Variants in SNAP23 observed in about 807,000 individuals in gnomAD.
SNAP23 encodes the protein synaptosomal-associated protein 23.
SNAP23 carries 11 observed loss-of-function variants against 29.0 expected under a neutral mutation model. The ratio of observed to expected loss-of-function variants is 0.38; its 90% confidence interval spans 0.24 to 0.63. The LOEUF (loss-of-function observed/expected upper bound fraction) is 0.63. SNAP23 is among the 20% of genes least tolerant of loss of function. The probability of loss-of-function intolerance (pLI) is 0.58; values close to 1 mark genes in which losing one functional copy is unlikely to be tolerated. For synonymous variants in SNAP23, 60 were observed against 82.9 expected (o/e 0.72, Z 1.50); for missense variants, 220 against 253.9 (o/e 0.87, Z 0.91).
At chr15:42,519,011 T>C (rs969456698) in intron 5 of SNAP23, among the ~76,000 whole-genome samples, 6 of 151,800 alleles carry the variant, frequency 4.0e-5, no homozygotes, top group Non-Finnish European at 2.9e-5. Context: ...TACAGGTGCA[T>C]GTCACCATGC....
chr15:42,531,172 CG>C (rs1339646142), intron 7 of SNAP23, among the ~76,000 whole-genome samples: 5 of 152,098 alleles, frequency 3.3e-5, no homozygotes, highest in Non-Finnish European at 5.9e-5. Context: ...TGAAAAAATG[CG>C]TTATAGAATT....
rs540031484 is a variant in SNAP23, at chr15:42,518,566, C to T, written c.266+3212C>T. Among the ~76,000 whole-genome samples, 4 of 151,540 alleles carry T rather than the reference C, an allele frequency of 2.6e-5. No homozygotes were observed. The East Asian group carries it at 5.9e-4, about 22-fold the overall frequency. On this transcript the variant is annotated intron_variant, in intron 5 of 7. Coordinates refer to ENST00000249647, the MANE Select transcript of SNAP23 (RefSeq NM_003825.4). The stretch of plus-strand genomic sequence containing the variant: ...TCCTGAGTAGCTGGGATTACAGGCA[C>T]ATGCCACCACACCCAGCTAATTTTG...
chr15:42,502,966 G>T (rs570989240), intron 1 of SNAP23, among the ~76,000 whole-genome samples: 1 of 152,132 alleles, frequency 6.6e-6, no homozygotes, highest in South Asian at 2.1e-4. Context: ...AATTTTTTTT[G>T]TAATTAGAGT....
chr15:42,492,374 A>G (rs1205075719), upstream of SNAP23, among the ~76,000 whole-genome samples: 2 of 152,036 alleles, frequency 1.3e-5, no homozygotes, highest in Admixed American at 1.3e-4. Flanking sequence ...AAGACCTTCA[A>G]CGTCTCAAAT....
At chr15:42,492,325 C>T (rs1428468172), upstream of SNAP23, among the ~76,000 whole-genome samples, 1 of 152,072 alleles carries the variant, frequency 6.6e-6, no homozygotes, top group African/African-American at 2.4e-5. Flanking sequence ...TGTGGAGTGT[C>T]CCTCCTATAT....
At position 42,513,199 on chromosome 15, in the gene SNAP23, A is replaced by G. The variant is rs150249939; in HGVS notation, c.100-200A>G. The G allele has an allele frequency of 1.1e-5, 8 of 744,048 alleles. No homozygotes were observed. The East Asian group carries it at 1.9e-4, about 17-fold the overall frequency. The allele number at this position is 744,048 out of a possible 1,614,324, so 46.1% of individuals were successfully genotyped here. A position where few individuals can be genotyped will look rare whatever the true frequency, so the allele number is the denominator to read the frequency against. ...TATTGGAATATGACAGGGAAGATGAATTCACTATGAGTTTGTGACTTAATT... is the reference window on the plus strand; with the variant it reads ...TATTGGAATATGACAGGGAAGATGAGTTCACTATGAGTTTGTGACTTAATT... On this transcript the variant is annotated intron_variant, in intron 3 of 7. Coordinates refer to ENST00000249647, the MANE Select transcript of SNAP23 (RefSeq NM_003825.4).
intron 5 of SNAP23, among the ~76,000 whole-genome samples, chr15:42,524,067 C>T (rs1301031079): frequency 2.6e-5 from 4 of 152,110 alleles, no homozygotes; most frequent in African/African-American, 4.8e-5. Flanking sequence ...CCACCCACCT[C>T]GGCCTCCCAA....
At chr15:42,492,324 T>C (rs2057174343), upstream of SNAP23, among the ~76,000 whole-genome samples, 1 of 152,120 alleles carries the variant, frequency 6.6e-6, no homozygotes, top group Admixed American at 6.6e-5. Flanking sequence ...ATGTGGAGTG[T>C]CCCTCCTATA....
intron 5 of SNAP23, among the ~76,000 whole-genome samples, chr15:42,524,548 C>G (rs555188401): frequency 1.3e-5 from 2 of 152,098 alleles, no homozygotes; most frequent in Admixed American, 6.6e-5. Context: ...TCTAGTTGTA[C>G]GCTCCTTATG....
intron 5 of SNAP23, among the ~76,000 whole-genome samples, chr15:42,523,082 G>A (rs182000889): frequency 4.3e-4 from 65 of 151,382 alleles, no homozygotes; most frequent in Non-Finnish European, 7.9e-4. Flanking sequence ...CTGACCTCAA[G>A]TAATTCACCC....
At chr15:42,494,562 C>T (rs2057200284), upstream of SNAP23, among the ~76,000 whole-genome samples, 2 of 149,572 alleles carry the variant, frequency 1.3e-5, no homozygotes, top group African/African-American at 4.9e-5. Flanking sequence ...GTTGCCCAGC[C>T]TGGAGTGCAA....
At chr15:42,493,348 C>CTATA, upstream of SNAP23, among the ~76,000 whole-genome samples, 1 of 151,504 alleles carries the variant, frequency 6.6e-6, no homozygotes, top group South Asian at 2.1e-4. Flanking sequence ...CTCTCTCTCT[C>CTATA]TCTCTCTATA....
At chr15:42,512,012 C>A in intron 2 of SNAP23, 109 bp downstream of exon 2, 1 of 528,510 alleles carries the variant, frequency 1.9e-6, no homozygotes, top group Non-Finnish European at 3.3e-6. Flanking sequence ...CCATTAATAT[C>A]AAAGAACACA....
chr15:42,505,919 CTTTCT>C (rs948317104), intron 1 of SNAP23, among the ~76,000 whole-genome samples: 24 of 150,676 alleles, frequency 1.6e-4, no homozygotes, highest in African/African-American at 3.9e-4. Context: ...TCTTTTCCTT[CTTTCT>C]TTTCTTTTCT....
At chr15:42,493,435 C>A (rs2057190722), upstream of SNAP23, among the ~76,000 whole-genome samples, 1 of 151,932 alleles carries the variant, frequency 6.6e-6, no homozygotes, top group Non-Finnish European at 1.5e-5. Flanking sequence ...TAGTAGTACC[C>A]ACCCCCGTTT....
intron 5 of SNAP23, among the ~76,000 whole-genome samples, chr15:42,524,167 A>C (rs1025958702): frequency 6.6e-6 from 1 of 152,084 alleles, no homozygotes; most frequent in Non-Finnish European, 1.5e-5. Flanking sequence ...TTCTAGATTA[A>C]TTATTTAGTG....
At chr15:42,491,871 C>A (rs964043725), upstream of SNAP23, among the ~76,000 whole-genome samples, 2 of 149,686 alleles carry the variant, frequency 1.3e-5, no homozygotes, top group Non-Finnish European at 3.0e-5. Flanking sequence ...TGTCAGCCAC[C>A]GCGCCCAGCC....
chr15:42,522,307 T>C (rs1436847526), intron 5 of SNAP23, among the ~76,000 whole-genome samples: 1 of 152,228 alleles, frequency 6.6e-6, no homozygotes, highest in Non-Finnish European at 1.5e-5. Flanking sequence ...TCTACATATG[T>C]TATAAACTAT....
chr15:42,521,349 A>G, intron 5 of SNAP23: 2 of 571,954 alleles, frequency 3.5e-6, no homozygotes, highest in Non-Finnish European at 2.2e-6. Context: ...CTTCTCTCAT[A>G]TTGTCTAATT....
Sources: gnomAD v4.1 joint callset for allele counts (sites outside exome capture counted in the v4.1 genomes callset) on GRCh38, gnomAD v4.1.1 for gene constraint, MANE v1.5 for transcripts, NCBI Gene and HGNC (gene_info 2026-07-23, HGNC 2026-07-21) for gene names.